The following CHL1 variants were observed in gnomAD, a reference collection of about 807,000 sequenced individuals.
CHL1 encodes the protein neural cell adhesion molecule L1-like protein.
Under a neutral mutation model 141.9 loss-of-function variants are expected in CHL1, and 96 were observed. The observed-to-expected ratio is 0.68, with a 90% CI of 0.57 to 0.80. CHL1 has a LOEUF of 0.80. Ranked by LOEUF, CHL1 falls within the 30% of genes least tolerant of loss-of-function variation. The probability of loss-of-function intolerance (pLI) is 0.00; values close to 1 mark genes in which losing one functional copy is unlikely to be tolerated. For synonymous variants in CHL1, 613 were observed against 502.2 expected, an observed-to-expected ratio of 1.22 and a Z score of -2.95; for missense variants, 1,820 against 1,457.2, an observed-to-expected ratio of 1.25 and a Z score of -4.05.
chr3:387,884 A>C (rs549046793), intron 19 of CHL1, among the ~76,000 whole-genome samples: 9 of 152,270 alleles, frequency 5.9e-5, no homozygotes, highest in African/African-American at 1.7e-4. Context: ...TCACCTTGGA[A>C]TAGGAATACA....
At chr3:331,395 G>A (rs1412822596) in intron 5 of CHL1, among the ~76,000 whole-genome samples, 2 of 151,958 alleles carry the variant, frequency 1.3e-5, no homozygotes, top group Non-Finnish European at 2.9e-5. Flanking sequence ...ACCGTGCCTG[G>A]CCAATTTTTA....
In CHL1 at chr3:360,358, G is replaced by A. The variant is rs746480165; in HGVS notation, c.1240G>A (p.Val414Met). 6.2e-7 allele frequency: 1 copy of A among 1,613,500 alleles called. No homozygotes were observed. Among genetic ancestry groups the A allele is most frequent in the Non-Finnish European group, 8.5e-7 (1 of 1,179,532 alleles). The change falls in exon 12 of 28, where the codon GTG becomes ATG. Residue 414 changes from valine (V) to methionine (M), a missense_variant. Transcript: ENST00000256509. ...FTNLQPNHTAVYQCEASNVHG... is the reference protein window; with the variant it reads ...FTNLQPNHTAMYQCEASNVHG... ...CAACCTTCAACCAAATCATACTGCT[G>A]TGTACCAGTGTGAAGCCTCAAATGT...
intron 10 of CHL1, 43 bp downstream of exon 10, chr3:349,586 G>A (rs768803512): frequency 6.5e-7 from 1 of 1,531,504 alleles, no homozygotes; most frequent in Non-Finnish European, 8.9e-7. Flanking sequence ...TTTCAAAAAA[G>A]TAACTGTATA....
intron 1 of CHL1, among the ~76,000 whole-genome samples, chr3:201,028 ATTTAAG>A (rs1256856595): frequency 6.6e-6 from 1 of 152,196 alleles, no homozygotes; most frequent in African/African-American, 2.4e-5. Flanking sequence ...ATCAAAAAGG[ATTTAAG>A]TTTATCTTCT....
intron 2 of CHL1, among the ~76,000 whole-genome samples, chr3:245,087 G>A (rs1293769972): frequency 6.6e-6 from 1 of 152,134 alleles, no homozygotes; most frequent in African/African-American, 2.4e-5. Context: ...GAGAAAACCT[G>A]TATTTTCAGG....
At chr3:235,672 A>AC (rs1368670519) in intron 1 of CHL1, among the ~76,000 whole-genome samples, 1 of 152,204 alleles carries the variant, frequency 6.6e-6, no homozygotes, top group East Asian at 1.9e-4. Flanking sequence ...ATGGCCTTCT[A>AC]CTTCCAGGGG....
At chr3:246,643 T>G (rs1469887993) in intron 2 of CHL1, 1 of 152,142 alleles carries the variant, frequency 6.6e-6, no homozygotes, top group Non-Finnish European at 1.5e-5. Context: ...AAAATAATCT[T>G]CAAGCTCTGA....
Position 391,724 on chromosome 3 carries a change from T to G in CHL1, c.2841T>G (p.Thr947=), listed in dbSNP as rs150965491. The change falls in exon 23 of 28, where the codon ACT becomes ACG. Residue 947 remains threonine, a synonymous_variant. Transcript: ENST00000256509. ...AGGTCATCAAAGTTGATAAAGACAC[T>G]GCCACTTTATCTTGGGGACTACCTA... ...FLKVIKVDKD[T]ATLSWGLPKK... is the part of the protein sequence containing the mutation. The G allele has an allele frequency of 1.2e-6, 2 of 1,602,606 alleles. No homozygotes were observed. Among genetic ancestry groups the G allele is most frequent in the Non-Finnish European group, 1.7e-6 (2 of 1,171,090 alleles).
intron 22 of CHL1, among the ~76,000 whole-genome samples, chr3:391,455 G>A (rs1028342244): frequency 6.6e-6 from 1 of 152,166 alleles, no homozygotes; most frequent in Middle Eastern, 3.2e-3. Flanking sequence ...GGCGGAGGTT[G>A]CAATGAGCCA....
At chr3:321,399 A>C (rs1353564307) in intron 3 of CHL1, among the ~76,000 whole-genome samples, 2 of 152,022 alleles carry the variant, frequency 1.3e-5, no homozygotes, top group African/African-American at 4.8e-5. Context: ...TTTTTGTAGA[A>C]ATTCTGGTCG....
At chr3:371,414 A>G (rs1705612828) in intron 15 of CHL1, among the ~76,000 whole-genome samples, 1 of 152,102 alleles carries the variant, frequency 6.6e-6, no homozygotes, top group African/African-American at 2.4e-5. Flanking sequence ...TTTGTCAGAG[A>G]CTAGGATTGC....
intron 2 of CHL1, among the ~76,000 whole-genome samples, chr3:291,686 AT>A (rs746639250): frequency 7.2e-5 from 11 of 151,812 alleles, no homozygotes; most frequent in African/African-American, 1.7e-4. Context: ...TTTAGAGGTC[AT>A]TTTTTTTCTC....
chr3:333,127 T>TTTTTA (rs1701583909), intron 5 of CHL1, among the ~76,000 whole-genome samples: 1 of 101,826 alleles, frequency 9.8e-6, no homozygotes, highest in African/African-American at 4.1e-5. Context: ...TTGCTCTATT[T>TTTTTA]TTTTTATTTT....
chr3:389,356 C>G lies in CHL1; in HGVS notation c.2352C>G (p.His784Gln). The G allele has an allele frequency of 6.2e-7, 1 of 1,614,192 alleles. No homozygotes were observed. Among genetic ancestry groups the G allele is most frequent in the East Asian group, 2.2e-5 (1 of 44,886 alleles). Reference sequence around the variant, plus strand: ...GGGAAGAAGAAACAGTCACAAACCACACATTGCGGGTGATGACGCCTGCTG... The same window carrying G: ...GGGAAGAAGAAACAGTCACAAACCAGACATTGCGGGTGATGACGCCTGCTG... ...VEWEEETVTN[H>Q]TLRVMTPAVY... The change falls in exon 20 of 28, where the codon CAC becomes CAG. Residue 784 changes from histidine to glutamine, a missense_variant. By Grantham distance (24) the His-to-Gln change is conservative. Transcript: ENST00000256509.
chr3:346,733 C>A (rs1276118226), intron 9 of CHL1, among the ~76,000 whole-genome samples: 5 of 152,146 alleles, frequency 3.3e-5, no homozygotes, highest in Admixed American at 6.5e-5. Context: ...CCTGTCTGAT[C>A]TGGGTCGTCT....
At chr3:360,673 C>T (rs1266223928) in intron 12 of CHL1, among the ~76,000 whole-genome samples, 1 of 150,234 alleles carries the variant, frequency 6.7e-6, no homozygotes, top group Non-Finnish European at 1.5e-5. Flanking sequence ...ATGTGCCATG[C>T]TGGTGCGCTG....
At chr3:374,611 G>C (rs1706074809) in intron 15 of CHL1, among the ~76,000 whole-genome samples, 1 of 152,176 alleles carries the variant, frequency 6.6e-6, no homozygotes, top group African/African-American at 2.4e-5. Flanking sequence ...TGAGTGGACT[G>C]AGCAAGTGAC....
chr3:201,440 C>G (rs947827295), intron 1 of CHL1, among the ~76,000 whole-genome samples: 1 of 152,034 alleles, frequency 6.6e-6, no homozygotes, highest in Non-Finnish European at 1.5e-5. Flanking sequence ...TAATTTATTC[C>G]TAGTGAAGAA....
chr3:389,315 G>A lies in CHL1; in HGVS notation c.2311G>A (p.Gly771Arg), dbSNP rs914972869. The A allele has an allele frequency of 6.2e-7, 1 of 1,614,108 alleles. No individual in the cohort carries two copies. Among genetic ancestry groups the A allele is most frequent in the Non-Finnish European group, 8.5e-7 (1 of 1,180,020 alleles). The change falls in exon 20 of 28, where the codon GGA becomes AGA. Residue 771 changes from glycine (G) to arginine (R), a missense_variant. Gly to Arg is a moderately radical substitution (Grantham distance 125, BLOSUM62 -2). Coordinates refer to ENST00000256509, the MANE Select transcript of CHL1 (RefSeq NM_006614.4). ...LEYRVTWKPQ[G>R]APVEWEEETV... is the part of the protein sequence containing the mutation. ...GTACAGAGTGACCTGGAAGCCACAGGGAGCCCCAGTGGAGTGGGAAGAAGA... is the reference window on the plus strand; with the variant it reads ...GTACAGAGTGACCTGGAAGCCACAGAGAGCCCCAGTGGAGTGGGAAGAAGA...
Sources: gnomAD v4.1 joint callset for allele counts (sites outside exome capture counted in the v4.1 genomes callset) on GRCh38, gnomAD v4.1.1 for gene constraint, MANE v1.5 for transcripts, NCBI Gene and HGNC (gene_info 2026-07-23, HGNC 2026-07-21) for gene names.